CSNK1E: variants seen among roughly 807,000 people sequenced by gnomAD.
CSNK1E encodes the protein casein kinase I isoform epsilon.
In CSNK1E, 17 loss-of-function variants were observed where a neutral mutation model predicts 46.1. The observed-to-expected ratio is 0.37, with a 90% CI of 0.25 to 0.55. The LOEUF is 0.55. CSNK1E is among the 20% of genes least tolerant of loss of function. The pLI is 0.82. For missense variants in CSNK1E, 386 were observed against 595.4 expected (o/e 0.65, Z 3.66); for synonymous variants, 241 against 242.6 (o/e 0.99, Z 0.06).
chr22:38,308,508 C>T (rs1459294981), intron 2 of CSNK1E, among the ~76,000 whole-genome samples: 15 of 152,222 alleles, frequency 9.9e-5, no homozygotes, highest in Admixed American at 4.6e-4. Flanking sequence ...CAGGGGTCGT[C>T]GGACAAGGCA....
At chr22:38,315,559 C>G (rs978891230) in intron 1 of CSNK1E, among the ~76,000 whole-genome samples, 7 of 152,098 alleles carry the variant, frequency 4.6e-5, no homozygotes, top group Admixed American at 1.3e-4. Context: ...CGTACACACA[C>G]GTCCAGCTTC....
chr22:38,306,009 C>T (rs1481660427), intron 2 of CSNK1E, among the ~76,000 whole-genome samples: 5 of 152,200 alleles, frequency 3.3e-5, no homozygotes, highest in Non-Finnish European at 5.9e-5. Flanking sequence ...AATGTCCCTC[C>T]TGAGGGGGCT....
At chr22:38,295,835 G>T (rs1230853038) in intron 7 of CSNK1E, among the ~76,000 whole-genome samples, 1 of 152,178 alleles carries the variant, frequency 6.6e-6, no homozygotes, top group Non-Finnish European at 1.5e-5. Context: ...GACCACCGGG[G>T]CTCTAACTCC....
At position 38,300,104 on chromosome 22, in the gene CSNK1E, C is replaced by A; in HGVS notation, c.566-39G>T. On this transcript the variant is annotated intron_variant, in intron 5 of 10. Coordinates refer to ENST00000396832, the MANE Select transcript of CSNK1E (RefSeq NM_152221.3). This position sits in a 1 kb window ranked among gnomAD's most constrained non-coding sequence, Gnocchi z 4.4. ...CAAAGACTAGGTGAGGGACAGGGGT[C>A]CACTCAGGCCCCTAACTCATCCTCT... is the stretch of plus-strand genomic sequence containing the variant. The A allele has an allele frequency of 1.3e-6, 2 of 1,593,566 alleles. No individual in the cohort carries two copies. The highest frequency in any genetic ancestry group is 1.1e-5 in the South Asian group (1 of 90,054).
At chr22:38,315,637 G>C (rs2092741231) in intron 1 of CSNK1E, among the ~76,000 whole-genome samples, 1 of 116,132 alleles carries the variant, frequency 8.6e-6, no homozygotes, top group African/African-American at 3.1e-5. Flanking sequence ...TGGGGGGTAA[G>C]GGGGGGTGTG....
In CSNK1E at chr22:38,315,654, A is replaced by ACC. The variant is rs144038868; in HGVS notation, c.-12-1487_-12-1486dup. The stretch of plus-strand genomic sequence containing the variant: ...GGGGGTAAGGGGGGGTGTGCACGCA[A>ACC]CCCCCCCCCAACACCTCAGTCCACT... On this transcript the variant is annotated intron_variant, in intron 1 of 10. Coordinates refer to ENST00000396832, the MANE Select transcript of CSNK1E (RefSeq NM_152221.3). Among the ~76,000 whole-genome samples the ACC allele has an allele frequency of 5.7e-3, 818 of 144,516 alleles. 6 individuals are homozygous for ACC. Among genetic ancestry groups the ACC allele is most frequent in the South Asian group, 0.029 (130 of 4,516 alleles). The allele number at this position is 144,516 out of a possible 152,430, so 94.8% of individuals were successfully genotyped here. A position where few individuals can be genotyped will look rare whatever the true frequency, so the allele number is the denominator to read the frequency against.
In CSNK1E at chr22:38,302,895, C is replaced by G; in HGVS notation, c.302G>C (p.Ser101Thr). 6.2e-7 allele frequency: 1 copy of G among 1,614,118 alleles called. No individual in the cohort carries two copies. Among genetic ancestry groups the G allele is most frequent in the Non-Finnish European group, 8.5e-7 (1 of 1,180,016 alleles). Residue 101 changes from serine (S) to threonine (T), a missense_variant, in exon 4 of 11, where the codon AGC (serine) becomes ACC (threonine). Physicochemically the swap from Ser to Thr is moderately conservative, Grantham distance 58 (BLOSUM62 1). Coordinates refer to ENST00000396832, the MANE Select transcript of CSNK1E (RefSeq NM_152221.3). ...DLFNFCSRKF[S>T]LKTVLLLADQ... is the part of the protein sequence containing the mutation. Reference sequence around the variant, plus strand: ...GGCCAAGAGCAGCACCGTCTTGAGGCTGAATTTGCGGGAACAGAAGTTGAA... The same window carrying G: ...GGCCAAGAGCAGCACCGTCTTGAGGGTGAATTTGCGGGAACAGAAGTTGAA...
intron 2 of CSNK1E, among the ~76,000 whole-genome samples, chr22:38,306,721 C>G (rs1412687143): frequency 9.0e-6 from 1 of 111,318 alleles, no homozygotes; most frequent in African/African-American, 3.7e-5. Context: ...CAGAGCAAGA[C>G]TCCATCTCAA....
chr22:38,309,691 A>G lies in CSNK1E; in HGVS notation c.76+4391T>C, dbSNP rs2092712853. On this transcript the variant is annotated intron_variant, in intron 2 of 10. Coordinates refer to ENST00000396832, the MANE Select transcript of CSNK1E (RefSeq NM_152221.3). This position sits in a 1 kb window ranked among gnomAD's most constrained non-coding sequence, Gnocchi z 4.8. ...GCTGGTCTCAAACTCCTGACCTCAAATGATCTGCCCGCCTTGGTCTCCCAA... is the reference window on the plus strand; with the variant it reads ...GCTGGTCTCAAACTCCTGACCTCAAGTGATCTGCCCGCCTTGGTCTCCCAA... 1.3e-5 allele frequency among the ~76,000 whole-genome samples: 2 copies of G among 152,072 alleles called. No homozygotes were observed. The highest frequency in any genetic ancestry group is 2.9e-5 in the Non-Finnish European group (2 of 68,002).
At position 38,317,391 on chromosome 22, in the gene CSNK1E, T is replaced by TCCGGCCCGCCCG; in HGVS notation, c.-245_-244insCGGGCGGGCCGG. On this transcript the variant is annotated 5_prime_UTR_variant, in exon 1 of 11. Coordinates refer to ENST00000396832, the MANE Select transcript of CSNK1E (RefSeq NM_152221.3). ...CGCCGCCGCCTCCCTCCTCCCGGCCTCCTGCCCGCCCGCCCGCCCCCGCCG... is the reference window on the plus strand; with the variant it reads ...CGCCGCCGCCTCCCTCCTCCCGGCCTCCGGCCCGCCCGCCTGCCCGCCCGCCCGCCCCCGCCG... The TCCGGCCCGCCCG allele has an allele frequency of 1.0e-5, 1 of 99,222 alleles. No individual in the cohort carries two copies. Among genetic ancestry groups the TCCGGCCCGCCCG allele is most frequent in the Admixed American group, 9.9e-5 (1 of 10,070 alleles). 6.1% of individuals were successfully genotyped at this position (99,222 alleles called of 1,614,324 possible).
At chr22:38,315,832 T>C (rs924315734) in intron 1 of CSNK1E, among the ~76,000 whole-genome samples, 2 of 152,092 alleles carry the variant, frequency 1.3e-5, no homozygotes. Flanking sequence ...CTTACATAAA[T>C]ATACTGCACA....
rs541901158 is a variant in CSNK1E, at chr22:38,292,577, G to A, written c.*33-639C>T. 2.5e-3 allele frequency: 381 copies of A among 152,658 alleles called. 3 individuals are homozygous for A. The highest frequency in any genetic ancestry group is 0.01 in the Middle Eastern group (3 of 294). The allele number at this position is 152,658 out of a possible 1,614,324, so 9.5% of individuals were successfully genotyped here. A position where few individuals can be genotyped will look rare whatever the true frequency, so the allele number is the denominator to read the frequency against. ...CAGACCACACACAGATTGTCCCAGT[G>A]TAAAGTTGAGTCCCCCGACGTGTCG... is the stretch of plus-strand genomic sequence containing the variant. On this transcript the variant is annotated intron_variant, in intron 10 of 10. Coordinates refer to ENST00000396832, the MANE Select transcript of CSNK1E (RefSeq NM_152221.3).
At position 38,292,280 on chromosome 22, in the gene CSNK1E, C is replaced by T. The variant is rs1569073635; in HGVS notation, c.*33-342G>A. ...GGGATTACAGGTGCGAGCCACTGCA[C>T]TTGGCCCCCCAAACTCCTGTCTTCT... On this transcript the variant is annotated intron_variant, in intron 10 of 10. Coordinates refer to ENST00000396832, the MANE Select transcript of CSNK1E (RefSeq NM_152221.3). The T allele has an allele frequency of 2.6e-5, 4 of 152,272 alleles. No individual in the cohort carries two copies. The East Asian group carries it at 5.8e-4, about 22-fold the overall frequency. 9.4% of individuals were successfully genotyped at this position (152,272 alleles called of 1,614,324 possible). A position where few individuals can be genotyped will look rare whatever the true frequency, so the allele number is the denominator to read the frequency against.
At position 38,298,728 on chromosome 22, in the gene CSNK1E, G is replaced by C. The variant is rs571313780; in HGVS notation, c.885+58C>G. ...CGCCACCAGCTCACTCTGGCCCTCTGAGTCAGGGCCTTCCCCATCCAGTCC... is the reference window on the plus strand; with the variant it reads ...CGCCACCAGCTCACTCTGGCCCTCTCAGTCAGGGCCTTCCCCATCCAGTCC... On this transcript the variant is annotated intron_variant, in intron 7 of 10. Coordinates refer to ENST00000396832, the MANE Select transcript of CSNK1E (RefSeq NM_152221.3). This position sits in a 1 kb window ranked among gnomAD's most constrained non-coding sequence, Gnocchi z 4.2. The C allele has an allele frequency of 6.3e-6, 10 of 1,597,998 alleles. No individual in the cohort carries two copies. In the African/African-American group the frequency reaches 8.0e-5, roughly 13 times the overall value.
intron 1 of CSNK1E, among the ~76,000 whole-genome samples, chr22:38,315,571 C>G (rs983330788): frequency 2.6e-5 from 4 of 151,984 alleles, no homozygotes; most frequent in African/African-American, 9.7e-5. Flanking sequence ...TCCAGCTTCC[C>G]GAGTGTGTAC....
In CSNK1E at chr22:38,294,556, C is replaced by T. The variant is rs1319672162; in HGVS notation, c.886-22G>A. 1.3e-6 allele frequency: 2 copies of T among 1,562,056 alleles called. No homozygotes were observed. The highest frequency in any genetic ancestry group is 8.6e-7 in the Non-Finnish European group (1 of 1,156,106). The stretch of plus-strand genomic sequence containing the variant: ...CACCCTGCAGGGATGCAAGAAAAGA[C>T]ACCAGTCAGCCCCAGAGGCCAGGGT... On this transcript the variant is annotated intron_variant, in intron 7 of 10. Transcript: ENST00000396832. This position sits in a 1 kb window ranked among gnomAD's most constrained non-coding sequence, Gnocchi z 5.5.
intron 7 of CSNK1E, chr22:38,295,371 C>T (rs561764482): frequency 2.7e-5 from 26 of 978,836 alleles, no homozygotes; most frequent in Non-Finnish European, 3.0e-5. Flanking sequence ...GTGGGGGCAG[C>T]GCCCGACTGC....
chr22:38,315,730 G>A (rs2092742066), intron 1 of CSNK1E, among the ~76,000 whole-genome samples: 1 of 151,086 alleles, frequency 6.6e-6, no homozygotes, highest in South Asian at 2.1e-4. Context: ...GAAACCCGCA[G>A]GTTAGGAAAG....
intron 10 of CSNK1E, chr22:38,293,002 G>A (rs1050462255): frequency 5.7e-6 from 3 of 527,244 alleles, no homozygotes; most frequent in East Asian, 3.6e-5. Flanking sequence ...AGACCTGGCC[G>A]AGGGCAGAAA....
Sources: gnomAD v4.1 joint callset for allele counts (sites outside exome capture counted in the v4.1 genomes callset) on GRCh38, gnomAD v4.1.1 for gene constraint, Gnocchi (gnomAD v3.1) non-coding constraint, MANE v1.5 for transcripts, NCBI Gene and HGNC (gene_info 2026-07-23, HGNC 2026-07-21) for gene names.